Variants in SDK1 observed in about 807,000 individuals in gnomAD.
SDK1 encodes sidekick cell adhesion molecule 1.
In SDK1, 157 loss-of-function variants were observed where a neutral mutation model predicts 245.5. That is an observed-to-expected ratio of 0.64 (90% CI 0.56 to 0.73). The LOEUF is 0.73. SDK1 is among the 30% of genes least tolerant of loss of function. The pLI, the probability that SDK1 is intolerant of heterozygous loss-of-function variation, is 0.00. For missense variants in SDK1, 3,583 were observed against 3,002.3 expected, an observed-to-expected ratio of 1.19 and a Z score of -4.52; for synonymous variants, 1,647 against 1,278.5, an observed-to-expected ratio of 1.29 and a Z score of -6.15.
chr7:3,971,746 C>T (rs1562595882), intron 12 of SDK1, among the ~76,000 whole-genome samples, 178 bp downstream of exon 12: 1 of 152,206 alleles, frequency 6.6e-6, no homozygotes, highest in African/African-American at 2.4e-5. Context: ...TTTTCCACTC[C>T]AGCCTTATGT....
intron 1 of SDK1, among the ~76,000 whole-genome samples, chr7:3,596,691 G>A (rs1157357400): frequency 1.3e-5 from 2 of 151,994 alleles, no homozygotes; most frequent in Non-Finnish European, 2.9e-5. Context: ...TTCATATGAA[G>A]GAAATCAAAA....
intron 4 of SDK1, among the ~76,000 whole-genome samples, chr7:3,762,804 A>G (rs561846308): frequency 2.6e-5 from 4 of 152,218 alleles, no homozygotes; most frequent in Admixed American, 6.5e-5. Flanking sequence ...ACTGTCATTT[A>G]TGTAGTTTTT....
intron 2 of SDK1, among the ~76,000 whole-genome samples, chr7:3,638,797 T>A (rs189277867): frequency 0.032 from 4,597 of 144,308 alleles, 210 homozygotes; most frequent in African/African-American, 0.1. Flanking sequence ...TAATAAAATT[T>A]AAAAAAAAAA....
In SDK1 at chr7:3,441,393, AAAAC is replaced by A. The variant is rs200521590; in HGVS notation, c.298+139517_298+139520del. Among the ~76,000 whole-genome samples the A allele has an allele frequency of 8.1e-3, 1,226 of 152,140 alleles. 9 individuals carry two copies. Among genetic ancestry groups the A allele is most frequent in the Non-Finnish European group, 9.5e-3 (647 of 67,972 alleles). ...TGGATCCAAAATCTCAAAAAAACAAAAAACAAACAAAAAAAAACCAAAATCTCTT... is the reference window on the plus strand; with the variant it reads ...TGGATCCAAAATCTCAAAAAAACAAAAAACAAAAAAAAACCAAAATCTCTT... On this transcript the variant is annotated intron_variant, in intron 1 of 44. Transcript: ENST00000404826.
chr7:3,458,289 C>A (rs564991971), intron 1 of SDK1, among the ~76,000 whole-genome samples: 18 of 152,156 alleles, frequency 1.2e-4, no homozygotes, highest in African/African-American at 3.6e-4. Flanking sequence ...TGTTGTCTCT[C>A]TTTTCTCTTT....
Position 3,796,196 on chromosome 7 carries a change from G to A in SDK1, c.714-25254G>A, listed in dbSNP as rs539577318. Among the ~76,000 whole-genome samples, 5 of 152,332 alleles carry A rather than the reference G, an allele frequency of 3.3e-5. No homozygotes were observed. In the South Asian group the frequency reaches 1.0e-3, roughly 32 times the overall value. On this transcript the variant is annotated intron_variant, in intron 4 of 44. Transcript: ENST00000404826. ...CAAAATGAAAGGGAGAATTGAATTT[G>A]TGTAGGTTAATAAAGGCAAGACTAA...
rs1163419985 is a variant in SDK1 at position 3,967,436 on chromosome 7, T to G, written c.1546+2T>G. On this transcript the variant is annotated splice_donor_variant, in intron 10 of 44. Transcript: ENST00000404826. LOFTEE classifies it high-confidence loss of function. Reference sequence around the variant, plus strand: ...AACCCGCCATCACCTGGAAAAGAGGTGGGTAGCATCCACTGCCCACAACAG... The same window carrying G: ...AACCCGCCATCACCTGGAAAAGAGGGGGGTAGCATCCACTGCCCACAACAG... The G allele has an allele frequency of 6.3e-7, 1 of 1,594,682 alleles. No homozygotes were observed. The highest frequency in any genetic ancestry group is 1.7e-5 in the Admixed American group (1 of 59,958).
chr7:3,617,061 C>T (rs1403791879), intron 1 of SDK1, among the ~76,000 whole-genome samples: 2 of 152,160 alleles, frequency 1.3e-5, no homozygotes, highest in African/African-American at 4.8e-5. Flanking sequence ...TATTTAACTT[C>T]TCCATGCTTC....
intron 38 of SDK1, among the ~76,000 whole-genome samples, chr7:4,217,866 T>G (rs924387490): frequency 2.0e-5 from 3 of 152,092 alleles, no homozygotes; most frequent in African/African-American, 7.2e-5. Flanking sequence ...TGGGATAGAA[T>G]TTACAAAATC....
intron 17 of SDK1, among the ~76,000 whole-genome samples, chr7:4,029,228 T>TTTTTTTTTTTTTTTTTTTTTTGTG (rs746967075): frequency 8.9e-6 from 1 of 112,086 alleles, no homozygotes; most frequent in Non-Finnish European, 1.7e-5. Context: ...TTTTTTTTTT[T>TTTTTTTTTTTTTTTTTTTTTTGTG]TGTGAAGAAG....
intron 16 of SDK1, among the ~76,000 whole-genome samples, chr7:4,015,986 C>A (rs1229177890): frequency 6.6e-6 from 1 of 152,242 alleles, no homozygotes; most frequent in African/African-American, 2.4e-5. Flanking sequence ...TTCAAGCCCT[C>A]CTTCTCTTGG....
intron 4 of SDK1, among the ~76,000 whole-genome samples, chr7:3,758,909 A>G (rs991134799): frequency 1.1e-4 from 16 of 152,328 alleles, no homozygotes; most frequent in African/African-American, 3.8e-4. Flanking sequence ...ATTTAAAAAT[A>G]ACCGTGAGTT....
At chr7:3,927,712 C>A (rs767513690) in intron 5 of SDK1, among the ~76,000 whole-genome samples, 14 of 152,212 alleles carry the variant, frequency 9.2e-5, no homozygotes, top group Non-Finnish European at 1.9e-4. Context: ...CATACTTTGG[C>A]CACTTTGGAG....
chr7:3,456,535 T>A (rs1468218593), intron 1 of SDK1, among the ~76,000 whole-genome samples: 2 of 152,234 alleles, frequency 1.3e-5, no homozygotes, highest in African/African-American at 4.8e-5. Flanking sequence ...GTTATTGTAT[T>A]TTTCAGTTCT....
rs183553361 is a variant in SDK1, at chr7:4,133,980, A to T, written c.4228+1557A>T. Among the ~76,000 whole-genome samples the T allele has an allele frequency of 2.6e-5, 4 of 152,352 alleles. No individual in the cohort carries two copies. The East Asian group carries it at 7.7e-4, about 29-fold the overall frequency. On this transcript the variant is annotated intron_variant, in intron 28 of 44. Coordinates refer to ENST00000404826, the MANE Select transcript of SDK1 (RefSeq NM_152744.4). ...AGAAAGAGTTTCACATCACTAAAAAAAAGTTTGGAGGCCTGTGTTGAACGG... is the reference window on the plus strand; with the variant it reads ...AGAAAGAGTTTCACATCACTAAAAATAAGTTTGGAGGCCTGTGTTGAACGG...
intron 1 of SDK1, among the ~76,000 whole-genome samples, chr7:3,309,005 C>T (rs1779486267): frequency 6.6e-6 from 1 of 151,964 alleles, no homozygotes; most frequent in Non-Finnish European, 1.5e-5. Flanking sequence ...TTTTAGCAAC[C>T]CAAGCAGGCT....
intron 4 of SDK1, among the ~76,000 whole-genome samples, chr7:3,658,914 G>T (rs1487007430): frequency 1.3e-5 from 2 of 152,014 alleles, no homozygotes; most frequent in African/African-American, 2.4e-5. Flanking sequence ...CACCATGCCT[G>T]GCCCATCACC....
chr7:4,208,280 A>G lies in SDK1; in HGVS notation c.5396A>G (p.Gln1799Arg). Residue 1799 changes from glutamine (Q) to arginine (R), a missense_variant, in exon 37 of 45, where the codon CAG becomes CGG. Transcript: ENST00000404826. The part of the protein sequence containing the change: ...KSDPQQGRTH[Q>R]AAPGAPSFLA... ...GACCCCCAGCAGGGGCGCACCCACC[A>G]GGCCGGTAGGAGGAAGGCGGGTTTC... 6.2e-7 allele frequency: 1 copy of G among 1,612,118 alleles called. No homozygotes were observed. The highest frequency in any genetic ancestry group is 8.5e-7 in the Non-Finnish European group (1 of 1,179,324).
intron 1 of SDK1, among the ~76,000 whole-genome samples, chr7:3,457,190 C>G (rs1780697571): frequency 1.3e-5 from 2 of 152,052 alleles, no homozygotes; most frequent in Admixed American, 1.3e-4. Context: ...GTGAGCCTGC[C>G]TTAGCTGCTG....
Sources: gnomAD v4.1 joint callset for allele counts (sites outside exome capture counted in the v4.1 genomes callset) on GRCh38, gnomAD v4.1.1 for gene constraint, MANE v1.5 for transcripts, NCBI Gene and HGNC (gene_info 2026-07-23, HGNC 2026-07-21) for gene names.